ATXN10: variants seen among roughly 807,000 people sequenced by gnomAD.
ATXN10 encodes the protein ataxin-10.
A neutral mutation model predicts 52.9 loss-of-function variants in ATXN10; 28 were observed. That is an observed-to-expected ratio of 0.53 (90% CI 0.39 to 0.73). The LOEUF (loss-of-function observed/expected upper bound fraction) is 0.73, where lower values mean the gene tolerates loss of function less well. Among genes scored for constraint, ATXN10 ranks in the 30% least tolerant of loss-of-function variants. ATXN10 has a pLI of 0.00. For missense variants in ATXN10, 565 were observed against 577.0 expected, an observed-to-expected ratio of 0.98 and a Z score of 0.21; for synonymous variants, 226 against 221.5, an observed-to-expected ratio of 1.02 and a Z score of -0.18.
chr22:45,707,139 A>G (rs1293721790), intron 5 of ATXN10, among the ~76,000 whole-genome samples: 1 of 152,130 alleles, frequency 6.6e-6, no homozygotes, highest in African/African-American at 2.4e-5. Context: ...TTTTAACAAT[A>G]TCCTGTTTTT....
chr22:45,811,928 C>A, intron 10 of ATXN10: 3 of 382,360 alleles, frequency 7.8e-6, no homozygotes, highest in South Asian at 5.9e-5. Flanking sequence ...CTAGACGGCC[C>A]ATCATCCTCA....
chr22:45,718,673 A>G lies in ATXN10; in HGVS notation c.728+180A>G, dbSNP rs573431097. ...TACAGCTTAGCCACAGTAGGCAGTG[A>G]TTTATGGAGGGTAGCAGGATCCAGG... On this transcript the variant is annotated intron_variant, in intron 6 of 11. Coordinates refer to ENST00000252934, the MANE Select transcript of ATXN10 (RefSeq NM_013236.4). This position sits in a 1 kb window ranked among gnomAD's most constrained non-coding sequence, Gnocchi z 4.4. Among the ~76,000 whole-genome samples the G allele has an allele frequency of 6.6e-6, 1 of 152,288 alleles. No individual in the cohort carries two copies. The highest frequency in any genetic ancestry group is 1.9e-4 in the East Asian group (1 of 5,190).
rs115913910 is a variant in ATXN10, at chr22:45,825,478, A to G, written c.1238-17513A>G. 5.5e-3 allele frequency among the ~76,000 whole-genome samples: 842 copies of G among 152,308 alleles called. 10 individuals are homozygous for G. Among genetic ancestry groups the G allele is most frequent in the African/African-American group, 0.019 (807 of 41,554 alleles). On this transcript the variant is annotated intron_variant, in intron 10 of 11. Coordinates refer to ENST00000252934, the MANE Select transcript of ATXN10 (RefSeq NM_013236.4). The surrounding 1 kb of genome is among the most constrained non-coding windows in gnomAD (Gnocchi z 4.5). The stretch of plus-strand genomic sequence containing the variant: ...TGAGAAGATCTTAAATTTACACCTC[A>G]GGCTTATCCTTGGCACAGAGACAGC...
At position 45,674,296 on chromosome 22, in the gene ATXN10, A is replaced by G. The variant is rs575314810; in HGVS notation, c.116+2117A>G. On this transcript the variant is annotated intron_variant, in intron 1 of 11. Coordinates refer to ENST00000252934, the MANE Select transcript of ATXN10 (RefSeq NM_013236.4). ...ATGAGGAAATGAGGATGCTTCCCAG[A>G]TTTCATCTGAGTTCTGGGACAGTGT... 2.0e-5 allele frequency: 3 copies of G among 152,392 alleles called. No homozygotes were observed. In the East Asian group the frequency reaches 5.8e-4, roughly 29 times the overall value. 9.4% of individuals were successfully genotyped at this position (152,392 alleles called of 1,614,324 possible).
rs1258086876 is a variant in ATXN10, at chr22:45,754,690, T to C, written c.1173+14152T>C. 6.6e-6 allele frequency among the ~76,000 whole-genome samples: 1 copy of C among 152,130 alleles called. No individual in the cohort carries two copies. Among genetic ancestry groups the C allele is most frequent in the Non-Finnish European group, 1.5e-5 (1 of 68,026 alleles). On this transcript the variant is annotated intron_variant, in intron 9 of 11. Coordinates refer to ENST00000252934, the MANE Select transcript of ATXN10 (RefSeq NM_013236.4). The surrounding 1 kb of genome is among the most constrained non-coding windows in gnomAD (Gnocchi z 5.4). ...CAACATGGTGAAACCCCGACTCTAC[T>C]AAAAATACAAAAAAATTAGCCAGAT...
intron 1 of ATXN10, among the ~76,000 whole-genome samples, chr22:45,685,355 A>T (rs1245303291): frequency 2.0e-5 from 3 of 152,176 alleles, no homozygotes; most frequent in Admixed American, 1.3e-4. Context: ...TCTTCAGGGT[A>T]TGCATTCCTT....
At chr22:45,707,491 A>G (rs1471437520) in intron 5 of ATXN10, among the ~76,000 whole-genome samples, 4 of 151,898 alleles carry the variant, frequency 2.6e-5, no homozygotes, top group Non-Finnish European at 5.9e-5. Context: ...ATTAGAGTCA[A>G]CTTACTTAGA....
At chr22:45,765,046 A>G (rs1193563830) in intron 9 of ATXN10, among the ~76,000 whole-genome samples, 2 of 152,238 alleles carry the variant, frequency 1.3e-5, no homozygotes, top group Non-Finnish European at 2.9e-5. Flanking sequence ...TATAAATGGT[A>G]AAAATCCCTT....
At chr22:45,680,219 C>G (rs1238887011) in intron 1 of ATXN10, 1 of 152,202 alleles carries the variant, frequency 6.6e-6, no homozygotes, top group East Asian at 1.9e-4. Context: ...CTGCTTAGAA[C>G]AGTGTCTGGC....
chr22:45,679,187 C>G (rs979717239), intron 1 of ATXN10: 1 of 152,142 alleles, frequency 6.6e-6, no homozygotes, highest in Non-Finnish European at 1.5e-5. Context: ...TGAGAGCAGC[C>G]CGAGGCCAGG....
At chr22:45,729,334 A>C in intron 6 of ATXN10, 91 bp from the exon 7 acceptor site, 1 of 1,290,120 alleles carries the variant, frequency 7.8e-7, no homozygotes, top group East Asian at 2.3e-5. Context: ...TTAAAATAAT[A>C]ATATTCCCTT....
chr22:45,756,347 G>A (rs1926173829), intron 9 of ATXN10, among the ~76,000 whole-genome samples: 1 of 151,888 alleles, frequency 6.6e-6, no homozygotes, highest in Non-Finnish European at 1.5e-5. Flanking sequence ...GTCTTGCTGT[G>A]TTGCCTAGGC....
At chr22:45,753,949 A>T (rs978999723) in intron 9 of ATXN10, among the ~76,000 whole-genome samples, 2 of 152,324 alleles carry the variant, frequency 1.3e-5, no homozygotes, top group East Asian at 3.9e-4. Flanking sequence ...GCCAAAAGCC[A>T]CCTACTTGTT....
rs1020692248 is a variant in ATXN10, at chr22:45,840,449, G to A, written c.1238-2542G>A. 2.6e-5 allele frequency among the ~76,000 whole-genome samples: 4 copies of A among 152,270 alleles called. No individual in the cohort carries two copies. Among genetic ancestry groups the A allele is most frequent in the South Asian group, 2.1e-4 (1 of 4,822 alleles). On this transcript the variant is annotated intron_variant, in intron 10 of 11. Coordinates refer to ENST00000252934, the MANE Select transcript of ATXN10 (RefSeq NM_013236.4). This position sits in a 1 kb window ranked among gnomAD's most constrained non-coding sequence, Gnocchi z 5.8. ...GAGACTGTGATACTTGCTGAGTCTC[G>A]AAGGCTAAGTGTGCCCCATGAGAAA...
At chr22:45,676,913 G>A (rs1170087914) in intron 1 of ATXN10, 1 of 152,276 alleles carries the variant, frequency 6.6e-6, no homozygotes, top group Non-Finnish European at 1.5e-5. Context: ...CAGTAGCTGG[G>A]ACTACAGGTG....
intron 9 of ATXN10, among the ~76,000 whole-genome samples, chr22:45,753,377 C>CATTTTTTT (rs1926057278): frequency 1.7e-5 from 1 of 57,814 alleles, no homozygotes; most frequent in Non-Finnish European, 3.2e-5. Context: ...CTCTTACCAG[C>CATTTTTTT]TTTTTTTTTT....
Position 45,823,647 on chromosome 22 carries a change from AT to A in ATXN10, c.1237+16626del, listed in dbSNP as rs1419702812. Reference sequence around the variant, plus strand: ...TGGTATCCGGTAGGGCCAATTTTGAATGTTAACCAACTTTTCATATATTATC... The same window carrying A: ...TGGTATCCGGTAGGGCCAATTTTGAAGTTAACCAACTTTTCATATATTATC... On this transcript the variant is annotated intron_variant, in intron 10 of 11. Transcript: ENST00000252934. The surrounding 1 kb of genome is among the most constrained non-coding windows in gnomAD (Gnocchi z 4.9). Among the ~76,000 whole-genome samples, 1 of 152,146 alleles carries A rather than the reference AT, an allele frequency of 6.6e-6. No individual in the cohort carries two copies. The highest frequency in any genetic ancestry group is 1.5e-5 in the Non-Finnish European group (1 of 68,020).
At chr22:45,675,302 AT>A (rs1035328827) in intron 1 of ATXN10, 8 of 152,202 alleles carry the variant, frequency 5.3e-5, no homozygotes, top group African/African-American at 1.7e-4. Flanking sequence ...CTTACATCCC[AT>A]TGTGGGAATT....
chr22:45,675,035 C>T (rs1014610588), intron 1 of ATXN10: 1 of 152,186 alleles, frequency 6.6e-6, no homozygotes, highest in Non-Finnish European at 1.5e-5. Context: ...GCCACTTTGA[C>T]AGATTATTTT....
Sources: allele counts gnomAD v4.1 joint callset (sites outside exome capture counted in the v4.1 genomes callset), GRCh38; gene constraint gnomAD v4.1.1; non-coding constraint Gnocchi (gnomAD v3.1); transcripts MANE v1.5; gene names NCBI Gene and HGNC (gene_info 2026-07-23, HGNC 2026-07-21).